Variants in LRPPRC observed in about 807,000 individuals in gnomAD.
LRPPRC encodes the protein leucine-rich PPR motif-containing protein, mitochondrial.
In LRPPRC, 120 loss-of-function variants were observed where a neutral mutation model predicts 180.3. The observed-to-expected ratio is 0.67, with a 90% CI of 0.57 to 0.77. The LOEUF (loss-of-function observed/expected upper bound fraction) is 0.77. LRPPRC is among the 30% of genes least tolerant of loss of function. The pLI, the probability that LRPPRC is intolerant of heterozygous loss-of-function variation, is 0.00. For missense variants in LRPPRC, 2,012 were observed against 1,657.2 expected, an observed-to-expected ratio of 1.21 and a Z score of -3.72; for synonymous variants, 723 against 600.0, an observed-to-expected ratio of 1.21 and a Z score of -3.00.
chr2:43,908,437 T>G (rs1268121445), intron 30 of LRPPRC, among the ~76,000 whole-genome samples: 2 of 152,184 alleles, frequency 1.3e-5, no homozygotes, highest in Non-Finnish European at 1.5e-5. Flanking sequence ...TAAATAAAAT[T>G]GAAGAAATCT....
Position 43,949,677 on chromosome 2 carries a change from T to G in LRPPRC, c.1678-18A>C, listed in dbSNP as rs780795374. On this transcript the variant is annotated intron_variant, in intron 15 of 37. Coordinates refer to ENST00000260665, the MANE Select transcript of LRPPRC (RefSeq NM_133259.4). ...TCTGTTATCTGGTAAGACAGAAAAT[T>G]CGTGCATTGCAGCAAGAGAAGCAAA... is the stretch of plus-strand genomic sequence containing the variant. The G allele has an allele frequency of 1.3e-6, 2 of 1,583,286 alleles. No individual in the cohort carries two copies. The highest frequency in any genetic ancestry group is 4.5e-5 in the East Asian group (2 of 44,722).
At chr2:43,890,183 G>A (rs531394568) in intron 36 of LRPPRC, 197 of 420,450 alleles carry the variant, frequency 4.7e-4, no homozygotes, top group Non-Finnish European at 6.1e-4. Flanking sequence ...TAGTTCAAGT[G>A]ACCACAAACT....
intron 12 of LRPPRC, among the ~76,000 whole-genome samples, chr2:43,963,126 C>G (rs936550816): frequency 6.6e-6 from 1 of 152,114 alleles, no homozygotes; most frequent in African/African-American, 2.4e-5. Context: ...GTTATACCAA[C>G]TAATATTTTT....
rs771057115 is a variant in LRPPRC, at chr2:43,894,606, T to C, written c.3924A>G (p.Leu1308=). The change falls in exon 36 of 38, where the codon TTA becomes TTG. Residue 1308 remains leucine, a synonymous_variant. Coordinates refer to ENST00000260665, the MANE Select transcript of LRPPRC (RefSeq NM_133259.4). Reference sequence around the variant, plus strand: ...TTTCATTTAATTCAGGAATCAATTCTAACACAGATTTCACAGTTGATGCCT... The same window carrying C: ...TTTCATTTAATTCAGGAATCAATTCCAACACAGATTTCACAGTTGATGCCT... ...QGKASTVKSV[L]ELIPELNEKE... 7 of 1,578,444 alleles carry C rather than the reference T, an allele frequency of 4.4e-6. No homozygotes were observed. Among genetic ancestry groups the C allele is most frequent in the South Asian group, 3.3e-5 (3 of 90,228 alleles).
chr2:43,976,202 C>T lies in LRPPRC; in HGVS notation c.678G>A (p.Lys226=), dbSNP rs1674047403. The part of the protein sequence containing the change: ...ASKILGFMKT[K]DLPVTEAVFS... The stretch of plus-strand genomic sequence containing the variant: ...ATACTGCCTCTGTAACTGGGAGATC[C>T]TTAGTTTTCATAAATCCAAGAATCT... Residue 226 remains lysine, a synonymous_variant, in exon 6 of 38, where the codon AAG becomes AAA. Transcript: ENST00000260665. 2 of 1,611,160 alleles carry T rather than the reference C, an allele frequency of 1.2e-6. No individual in the cohort carries two copies. Among genetic ancestry groups the T allele is most frequent in the Non-Finnish European group, 1.7e-6 (2 of 1,177,348 alleles).
In LRPPRC at chr2:43,984,090, A is replaced by T. The variant is rs188886582; in HGVS notation, c.150-1656T>A. 9.2e-5 allele frequency among the ~76,000 whole-genome samples: 14 copies of T among 152,228 alleles called. No homozygotes were observed. The East Asian group carries it at 2.5e-3, about 27-fold the overall frequency. On this transcript the variant is annotated intron_variant, in intron 1 of 37. Transcript: ENST00000260665. ...AAGATATACCCTTAAAATAATATTT[A>T]TCCCTTACTTCCAAAAGGCATTTAT...
intron 11 of LRPPRC, among the ~76,000 whole-genome samples, chr2:43,968,165 A>G (rs1356564164): frequency 3.3e-5 from 5 of 152,120 alleles, no homozygotes; most frequent in Admixed American, 6.5e-5. Flanking sequence ...CTTAATAGCA[A>G]TGTAAATCTA....
At chr2:43,974,394 C>T in intron 8 of LRPPRC, 99 bp from the exon 9 acceptor site, 1 of 935,624 alleles carries the variant, frequency 1.1e-6, no homozygotes, top group South Asian at 1.4e-5. Flanking sequence ...GAATTGCAAA[C>T]ATCAAAAGCA....
chr2:43,980,056 A>T, intron 2 of LRPPRC, 108 bp from the exon 3 acceptor site: 2 of 1,039,232 alleles, frequency 1.9e-6, no homozygotes, highest in Non-Finnish European at 2.9e-6. Flanking sequence ...CTTCTGGCTC[A>T]AACTGAGAGT....
At chr2:43,965,890 G>A (rs1559025839) in intron 11 of LRPPRC, among the ~76,000 whole-genome samples, 4 of 152,178 alleles carry the variant, frequency 2.6e-5, no homozygotes, top group Non-Finnish European at 1.5e-5. Context: ...TGGAGAGAAA[G>A]GGAACCCTGG....
chr2:43,950,895 T>A (rs4953040), intron 14 of LRPPRC, among the ~76,000 whole-genome samples: 2 of 151,918 alleles, frequency 1.3e-5, no homozygotes, highest in Non-Finnish European at 2.9e-5. Flanking sequence ...CATGGTGAAA[T>A]CCCGTCTCCA....
At chr2:43,969,591 T>TA (rs1189722786) in intron 11 of LRPPRC, among the ~76,000 whole-genome samples, 1 of 152,054 alleles carries the variant, frequency 6.6e-6, no homozygotes, top group African/African-American at 2.4e-5. Flanking sequence ...ATGATGATAA[T>TA]AAAGCTCCCC....
At chr2:43,974,999 A>G (rs1290543158) in intron 7 of LRPPRC, 92 bp downstream of exon 7, 4 of 1,295,754 alleles carry the variant, frequency 3.1e-6, no homozygotes, top group Non-Finnish European at 3.3e-6. Flanking sequence ...CTTTGAAAAC[A>G]GGTATAAACT....
chr2:43,934,010 C>T (rs1413499945), intron 25 of LRPPRC, among the ~76,000 whole-genome samples, 180 bp downstream of exon 25: 1 of 152,104 alleles, frequency 6.6e-6, no homozygotes. Flanking sequence ...ACTGCCTTTT[C>T]TGAACTGTAA....
intron 25 of LRPPRC, among the ~76,000 whole-genome samples, chr2:43,931,405 G>A (rs529503666): frequency 4.6e-5 from 7 of 152,302 alleles, no homozygotes; most frequent in African/African-American, 1.4e-4. Context: ...TTAAATGTCT[G>A]ATAATGTACC....
At chr2:43,986,356 C>G (rs1674526215) in intron 1 of LRPPRC, among the ~76,000 whole-genome samples, 1 of 152,112 alleles carries the variant, frequency 6.6e-6, no homozygotes, top group African/African-American at 2.4e-5. Context: ...TCTCAAACTC[C>G]TGACCTCAAG....
At chr2:43,902,566 A>G (rs1211477220) in intron 31 of LRPPRC, 2 of 152,206 alleles carry the variant, frequency 1.3e-5, no homozygotes, top group African/African-American at 4.8e-5. Context: ...ATTAATGAAT[A>G]AAGAATTTAT....
rs1218598015 is a variant in LRPPRC at position 43,963,483 on chromosome 2, C to T, written c.1488+105G>A. 5 of 799,432 alleles carry T rather than the reference C, an allele frequency of 6.3e-6. No individual in the cohort carries two copies. In the Admixed American group the frequency reaches 8.7e-5, roughly 14 times the overall value. 49.5% of individuals were successfully genotyped at this position (799,432 alleles called of 1,614,324 possible). A position where few individuals can be genotyped will look rare whatever the true frequency, so the allele number is the denominator to read the frequency against. ...AAAGAAAATTGTATACAGATTTGAC[C>T]ATTTTGAGTCCTCAGTTCAATGACT... is the stretch of plus-strand genomic sequence containing the variant. On this transcript the variant is annotated intron_variant, in intron 12 of 37. Transcript: ENST00000260665.
intron 25 of LRPPRC, among the ~76,000 whole-genome samples, chr2:43,931,408 A>G (rs1672083141): frequency 6.6e-6 from 1 of 152,188 alleles, no homozygotes; most frequent in Non-Finnish European, 1.5e-5. Context: ...AATGTCTGAT[A>G]ATGTACCAGA....
Sources: allele counts gnomAD v4.1 joint callset (sites outside exome capture counted in the v4.1 genomes callset), GRCh38; gene constraint gnomAD v4.1.1; transcripts MANE v1.5; gene names NCBI Gene and HGNC (gene_info 2026-07-23, HGNC 2026-07-21).